Variants in DHRS7B observed in about 807,000 individuals in gnomAD.
DHRS7B encodes dehydrogenase/reductase 7B.
In DHRS7B, 24 loss-of-function variants were observed where a neutral mutation model predicts 26.4. The ratio of observed to expected loss-of-function variants is 0.91; its 90% CI spans 0.66 to 1.28. The LOEUF (loss-of-function observed/expected upper bound fraction) is 1.28, where lower values mean the gene tolerates loss of function less well. DHRS7B is among the 50% of genes most tolerant of loss of function. The pLI is 0.00. For missense variants in DHRS7B, 368 were observed against 419.4 expected, an observed-to-expected ratio of 0.88 and a Z score of 1.07; for synonymous variants, 142 against 166.4, an observed-to-expected ratio of 0.85 and a Z score of 1.13.
At chr17:21,187,538 A>G (rs530676076) in intron 5 of DHRS7B, among the ~76,000 whole-genome samples, 186 of 151,236 alleles carry the variant, frequency 1.2e-3, no homozygotes, top group African/African-American at 4.3e-3. Context: ...AGGGAGAAGA[A>G]CGGTGTGAAC....
At chr17:21,190,894 A>G in intron 6 of DHRS7B, 54 bp from the exon 7 acceptor site, 1 of 1,597,030 alleles carries the variant, frequency 6.3e-7, no homozygotes, top group East Asian at 2.2e-5. Flanking sequence ...TCCACTCCTC[A>G]AGAGGGACCT....
chr17:21,164,553 G>A (rs1974070289), intron 1 of DHRS7B, among the ~76,000 whole-genome samples: 1 of 152,222 alleles, frequency 6.6e-6, no homozygotes, highest in African/African-American at 2.4e-5. Context: ...TCGGCCAGGT[G>A]CGGTGTTCGG....
chr17:21,175,487 A>G (rs1200085345), intron 2 of DHRS7B, among the ~76,000 whole-genome samples: 1 of 152,198 alleles, frequency 6.6e-6, no homozygotes, highest in Non-Finnish European at 1.5e-5. Context: ...CTAGGGTGCC[A>G]CCTAATCACC....
intron 1 of DHRS7B, among the ~76,000 whole-genome samples, chr17:21,146,226 T>C (rs1302706876): frequency 1.3e-5 from 2 of 152,082 alleles, no homozygotes; most frequent in Non-Finnish European, 2.9e-5. Context: ...CTGGGCAACA[T>C]GGCAAAACCA....
intron 2 of DHRS7B, among the ~76,000 whole-genome samples, chr17:21,173,486 C>T (rs1974305627): frequency 6.6e-6 from 1 of 152,074 alleles, no homozygotes; most frequent in African/African-American, 2.4e-5. Flanking sequence ...CCAGACAGGC[C>T]CAGAGGTAGG....
At chr17:21,138,256 G>A (rs1413779048) in intron 1 of DHRS7B, among the ~76,000 whole-genome samples, 2 of 100,058 alleles carry the variant, frequency 2.0e-5, no homozygotes, top group African/African-American at 8.4e-5. Context: ...TCTCTCTGTT[G>A]CCTACACTGG....
chr17:21,134,645 C>T (rs1330422420), intron 1 of DHRS7B, among the ~76,000 whole-genome samples: 1 of 152,140 alleles, frequency 6.6e-6, no homozygotes, highest in Non-Finnish European at 1.5e-5. Context: ...TTGTGTCCTG[C>T]TACAAATGAA....
chr17:21,183,692 C>T lies in DHRS7B; in HGVS notation c.408C>T (p.Val136=), dbSNP rs200070541. 8.1e-6 allele frequency: 13 copies of T among 1,613,994 alleles called. No homozygotes were observed. The highest frequency in any genetic ancestry group is 1.6e-4 in the Middle Eastern group (1 of 6,076). Residue 136 remains valine (V), a synonymous_variant, in exon 4 of 7, where the codon GTC becomes GTT. Transcript: ENST00000395511. ...AGATCCTGCAGTGCTTTGGCTATGT[C>T]GACATACTTGTCAACAATGCTGGGA... ...AAEILQCFGY[V]DILVNNAGIS...
rs1449609485 is a variant in DHRS7B, at chr17:21,138,099, T to TACACACAC, written c.20+11109_20+11110insCACACACA. Among the ~76,000 whole-genome samples the TACACACAC allele has an allele frequency of 7.6e-3, 664 of 87,586 alleles. 5 individuals carry two copies. The highest frequency in any genetic ancestry group is 0.017 in the African/African-American group (314 of 18,670). 57.5% of individuals were successfully genotyped at this position (87,586 alleles called of 152,430 possible). On this transcript the variant is annotated intron_variant, in intron 1 of 6. Coordinates refer to ENST00000395511, the MANE Select transcript of DHRS7B (RefSeq NM_015510.5). ...AAATATATATATATATATATATATA[T>TACACACAC]ATACACACACACACACACACACACA... is the stretch of plus-strand genomic sequence containing the variant.
chr17:21,154,690 A>G (rs1973842195), intron 1 of DHRS7B, among the ~76,000 whole-genome samples: 2 of 152,256 alleles, frequency 1.3e-5, no homozygotes, highest in African/African-American at 4.8e-5. Context: ...GTTTGTTCAA[A>G]ATAATCATAG....
chr17:21,173,975 G>C (rs139741771), intron 2 of DHRS7B, among the ~76,000 whole-genome samples: 104 of 152,268 alleles, frequency 6.8e-4, no homozygotes, highest in African/African-American at 2.4e-3. Context: ...AAATGTCACG[G>C]AGGTCACCAG....
chr17:21,134,579 T>TA (rs1255250729), intron 1 of DHRS7B, among the ~76,000 whole-genome samples: 1 of 152,176 alleles, frequency 6.6e-6, no homozygotes, highest in Non-Finnish European at 1.5e-5. Context: ...TTTGATTCCT[T>TA]AAAGGAAAGC....
At chr17:21,168,789 G>A in intron 1 of DHRS7B, 1 of 985,468 alleles carries the variant, frequency 1.0e-6, no homozygotes, top group Non-Finnish European at 1.2e-6. Context: ...CATTCACCCG[G>A]CGCCATGTTT....
chr17:21,190,745 C>T (rs1974758149), intron 6 of DHRS7B, among the ~76,000 whole-genome samples: 1 of 152,236 alleles, frequency 6.6e-6, no homozygotes, highest in African/African-American at 2.4e-5. Flanking sequence ...CCCACTGACC[C>T]ACATCCAGCT....
intron 1 of DHRS7B, among the ~76,000 whole-genome samples, chr17:21,139,998 T>C (rs1973454594): frequency 6.7e-6 from 1 of 149,738 alleles, no homozygotes; most frequent in Non-Finnish European, 1.5e-5. Context: ...AGAAACCTTT[T>C]TTTTCCTATC....
chr17:21,180,029 A>T (rs1402349329), intron 3 of DHRS7B, among the ~76,000 whole-genome samples: 1 of 149,238 alleles, frequency 6.7e-6, no homozygotes, highest in Non-Finnish European at 1.5e-5. Context: ...GGCCTCCCAA[A>T]GTGCTGGGGT....
intron 3 of DHRS7B, among the ~76,000 whole-genome samples, chr17:21,179,738 TCTCA>T (rs761797183): frequency 2.0e-5 from 3 of 151,958 alleles, no homozygotes; most frequent in Non-Finnish European, 4.4e-5. Flanking sequence ...AAATATTTTC[TCTCA>T]CTCAGTATCT....
chr17:21,150,586 C>T (rs1180601205), intron 1 of DHRS7B, among the ~76,000 whole-genome samples: 1 of 152,174 alleles, frequency 6.6e-6, no homozygotes, highest in Non-Finnish European at 1.5e-5. Context: ...CATTGCACTC[C>T]AGCCTGGGCA....
chr17:21,157,351 G>T (rs1367462517), intron 1 of DHRS7B, among the ~76,000 whole-genome samples: 1 of 152,204 alleles, frequency 6.6e-6, no homozygotes, highest in Non-Finnish European at 1.5e-5. Context: ...GTATGAAAAT[G>T]ACCAAGACCA....
Sources: allele counts gnomAD v4.1 joint callset (sites outside exome capture counted in the v4.1 genomes callset), GRCh38; gene constraint gnomAD v4.1.1; transcripts MANE v1.5; gene names NCBI Gene and HGNC (gene_info 2026-07-23, HGNC 2026-07-21).